The following ZNF423 variants were observed in gnomAD, a reference collection of about 807,000 sequenced individuals.
ZNF423 encodes zinc finger protein 423.
In ZNF423, 12 loss-of-function variants were observed where a neutral mutation model predicts 95.8. The observed-to-expected ratio is 0.13, with a 90% CI of 0.08 to 0.20. The LOEUF is 0.20. Among genes scored for constraint, ZNF423 ranks in the 10% least tolerant of loss-of-function variants. The probability of loss-of-function intolerance (pLI) is 1.00; values close to 1 mark genes in which losing one functional copy is unlikely to be tolerated. For missense variants in ZNF423, 1,316 were observed against 1,737.1 expected, an observed-to-expected ratio of 0.76 and a Z score of 4.31; for synonymous variants, 749 against 711.9, an observed-to-expected ratio of 1.05 and a Z score of -0.83.
intron 5 of ZNF423, among the ~76,000 whole-genome samples, chr16:49,599,112 C>A (rs373702470): frequency 1.3e-5 from 2 of 152,214 alleles, no homozygotes; most frequent in African/African-American, 4.8e-5. Context: ...TAGACACACA[C>A]AGACATGCAC....
At chr16:49,742,155 T>TA (rs1264087513) in intron 2 of ZNF423, among the ~76,000 whole-genome samples, 4 of 152,242 alleles carry the variant, frequency 2.6e-5, no homozygotes, top group Non-Finnish European at 5.9e-5. Flanking sequence ...CCTTGTTTTT[T>TA]ATGGGTGTTC....
At chr16:49,825,096 A>G (rs1350729328) in intron 1 of ZNF423, among the ~76,000 whole-genome samples, 1 of 152,148 alleles carries the variant, frequency 6.6e-6, no homozygotes, top group African/African-American at 2.4e-5. Context: ...CTTATGCATT[A>G]CTCCAGGATT....
intron 1 of ZNF423, among the ~76,000 whole-genome samples, chr16:49,821,780 G>C (rs1017164626): frequency 6.6e-6 from 1 of 152,136 alleles, no homozygotes; most frequent in African/African-American, 2.4e-5. Context: ...AGGCCCTTCT[G>C]TGGGCCCAGG....
chr16:49,611,702 G>T (rs959428157), intron 5 of ZNF423, among the ~76,000 whole-genome samples: 8 of 151,858 alleles, frequency 5.3e-5, no homozygotes, highest in African/African-American at 1.9e-4. Context: ...AAACAAACAG[G>T]TGGTGTTTTA....
At chr16:49,503,977 T>G (rs922198851) in intron 7 of ZNF423, among the ~76,000 whole-genome samples, 1 of 152,222 alleles carries the variant, frequency 6.6e-6, no homozygotes, top group Non-Finnish European at 1.5e-5. Flanking sequence ...CTGGGATGGA[T>G]CCTTTGAGGA....
At chr16:49,661,217 C>CAAAA (rs397959711) in intron 3 of ZNF423, among the ~76,000 whole-genome samples, 7 of 97,790 alleles carry the variant, frequency 7.2e-5, no homozygotes, top group African/African-American at 1.7e-4. Context: ...GACTTCATCT[C>CAAAA]AAAAAAAAAA....
intron 1 of ZNF423, among the ~76,000 whole-genome samples, chr16:49,794,003 C>A (rs1382940782): frequency 7.2e-6 from 1 of 138,936 alleles, no homozygotes; most frequent in Non-Finnish European, 1.5e-5. Context: ...TAAGACCTCT[C>A]TGTCTCTGTC....
chr16:49,759,933 C>T (rs1341547224), intron 2 of ZNF423, among the ~76,000 whole-genome samples: 1 of 150,268 alleles, frequency 6.7e-6, no homozygotes, highest in African/African-American at 2.5e-5. Flanking sequence ...GCTCCAAGGG[C>T]CAGGATCACT....
chr16:49,737,368 C>G (rs2033312101), intron 2 of ZNF423, among the ~76,000 whole-genome samples: 1 of 152,066 alleles, frequency 6.6e-6, no homozygotes, highest in Non-Finnish European at 1.5e-5. Context: ...CTTCCAGGTT[C>G]AAGTGATTCT....
chr16:49,655,687 A>G (rs1188560049), intron 3 of ZNF423, among the ~76,000 whole-genome samples: 1 of 152,140 alleles, frequency 6.6e-6, no homozygotes, highest in Non-Finnish European at 1.5e-5. Flanking sequence ...ATAAATTGCC[A>G]TGTCCTCTGT....
intron 7 of ZNF423, among the ~76,000 whole-genome samples, chr16:49,506,996 T>C (rs989601846): frequency 1.2e-4 from 18 of 152,044 alleles, no homozygotes; most frequent in African/African-American, 4.1e-4. Context: ...AATAACTGGG[T>C]AGGACGGTAA....
intron 2 of ZNF423, among the ~76,000 whole-genome samples, chr16:49,755,390 C>A (rs552181933): frequency 3.3e-5 from 5 of 152,164 alleles, no homozygotes; most frequent in Non-Finnish European, 7.3e-5. Flanking sequence ...TCCAAACCAC[C>A]TTAATTGGGA....
intron 1 of ZNF423, among the ~76,000 whole-genome samples, chr16:49,803,968 C>T (rs2034621767): frequency 7.1e-6 from 1 of 140,902 alleles, no homozygotes; most frequent in Non-Finnish European, 1.5e-5. Context: ...CAGAGTCTCC[C>T]TCTGTCACCC....
chr16:49,799,611 G>A (rs1014992272), intron 1 of ZNF423, among the ~76,000 whole-genome samples: 2 of 152,140 alleles, frequency 1.3e-5, no homozygotes, highest in African/African-American at 4.8e-5. Context: ...AAAAGAGAAA[G>A]GCTAGGAGAT....
intron 5 of ZNF423, among the ~76,000 whole-genome samples, chr16:49,542,780 T>C (rs562537045): frequency 6.6e-6 from 1 of 152,242 alleles, no homozygotes; most frequent in South Asian, 2.1e-4. Flanking sequence ...CAGATCTGCG[T>C]CCTCCATGAG....
At chr16:49,673,309 T>C (rs1267802092) in intron 3 of ZNF423, among the ~76,000 whole-genome samples, 1 of 152,222 alleles carries the variant, frequency 6.6e-6, no homozygotes, top group African/African-American at 2.4e-5. Context: ...CCAACTTCTC[T>C]TGATTGGCAA....
At chr16:49,618,494 T>A (rs1971951859) in intron 5 of ZNF423, among the ~76,000 whole-genome samples, 1 of 152,138 alleles carries the variant, frequency 6.6e-6, no homozygotes, top group African/African-American at 2.4e-5. Context: ...TCTCACAAGA[T>A]CTGATGGTTT....
intron 1 of ZNF423, among the ~76,000 whole-genome samples, chr16:49,816,787 A>G (rs1355491847): frequency 2.0e-5 from 3 of 152,180 alleles, no homozygotes; most frequent in Non-Finnish European, 2.9e-5. Context: ...CTGTCTCAAA[A>G]AAAAGGAAGA....
intron 3 of ZNF423, among the ~76,000 whole-genome samples, chr16:49,700,934 G>A (rs1296729383): frequency 6.6e-6 from 1 of 152,118 alleles, no homozygotes; most frequent in Non-Finnish European, 1.5e-5. Flanking sequence ...AGAGGGAGGA[G>A]GGCAGAGGAG....
Sources: gnomAD v4.1 joint callset for allele counts (sites outside exome capture counted in the v4.1 genomes callset) on GRCh38, gnomAD v4.1.1 for gene constraint, MANE v1.5 for transcripts, NCBI Gene and HGNC (gene_info 2026-07-23, HGNC 2026-07-21) for gene names.